The following MADCAM1 variants were observed in gnomAD, a reference collection of about 807,000 sequenced individuals.
The protein encoded by MADCAM1 is mucosal vascular addressin cell adhesion molecule 1, also known as mucosal addressin cell adhesion molecule 1.
A neutral mutation model predicts 26.1 loss-of-function variants in MADCAM1; 19 were observed. That is an observed-to-expected ratio of 0.73 (90% CI 0.51 to 1.07). The LOEUF (loss-of-function observed/expected upper bound fraction) is 1.07. Among genes scored for constraint, MADCAM1 ranks in the 50% least tolerant of loss-of-function variants. The pLI, the probability that MADCAM1 is intolerant of heterozygous loss-of-function variation, is 0.00. For synonymous variants in MADCAM1, 268 were observed against 260.9 expected, an observed-to-expected ratio of 1.03 and a Z score of -0.26; for missense variants, 514 against 542.1, an observed-to-expected ratio of 0.95 and a Z score of 0.51.
At position 497,991 on chromosome 19, in the gene MADCAM1, C is replaced by G; in HGVS notation, c.211C>G (p.Gln71Glu). The part of the protein sequence containing the change: ...RGLDTSLGAV[Q>E]SDTGRSVLTV... ...CCTGGACACCAGCCTGGGCGCGGTGCAGTCGGACACGGGCCGCAGCGTCCT... is the reference window on the plus strand; with the variant it reads ...CCTGGACACCAGCCTGGGCGCGGTGGAGTCGGACACGGGCCGCAGCGTCCT... Residue 71 changes from glutamine to glutamate, a missense_variant, in exon 2 of 5, where the codon CAG (glutamine) becomes GAG (glutamate). Transcript: ENST00000215637. 6.7e-7 allele frequency: 1 copy of G among 1,501,222 alleles called. No individual in the cohort carries two copies. The highest frequency in any genetic ancestry group is 1.3e-5 in the South Asian group (1 of 79,840). The allele number at this position is 1,501,222 out of a possible 1,614,324, so 93.0% of individuals were successfully genotyped here. A position where few individuals can be genotyped will look rare whatever the true frequency, so the allele number is the denominator to read the frequency against.
intron 3 of MADCAM1, 58 bp from the exon 4 acceptor site, chr19:501,611 C>G: frequency 6.5e-7 from 1 of 1,528,014 alleles, no homozygotes; most frequent in Non-Finnish European, 8.8e-7. Context: ...GAGATTGAGG[C>G]AGGAGAGGCA....
chr19:504,414 C>T (rs1978511247), intron 4 of MADCAM1, among the ~76,000 whole-genome samples: 1 of 151,948 alleles, frequency 6.6e-6, no homozygotes, highest in African/African-American at 2.4e-5. Flanking sequence ...CAGGCGCCTG[C>T]CACCATGTCC....
Position 498,696 on chromosome 19 carries a change from G to C in MADCAM1, c.538G>C (p.Asp180His). Residue 180 changes from aspartate (D) to histidine (H), a missense_variant, in exon 3 of 5, where the codon GAC becomes CAC. Coordinates refer to ENST00000215637, the MANE Select transcript of MADCAM1 (RefSeq NM_130760.3). ...EEEEEPQGDE[D>H]VLFRVTERWR... ...GGAGGAGGAGCCCCAGGGGGACGAG[G>C]ACGTGCTGTTCAGGGTGACAGAGCG... The C allele has an allele frequency of 6.9e-7, 1 of 1,448,766 alleles. No homozygotes were observed. The highest frequency in any genetic ancestry group is 2.6e-5 in the East Asian group (1 of 38,974). 89.7% of individuals were successfully genotyped at this position (1,448,766 alleles called of 1,614,324 possible). A position where few individuals can be genotyped will look rare whatever the true frequency, so the allele number is the denominator to read the frequency against.
chr19:497,190 A>G (rs1976593707), intron 1 of MADCAM1, among the ~76,000 whole-genome samples: 1 of 30,940 alleles, frequency 3.2e-5, no homozygotes, highest in African/African-American at 1.6e-4. Context: ...GGGGCGCAGG[A>G]GAGAGCAGGG....
At chr19:498,470 C>T in intron 2 of MADCAM1, 26 bp from the exon 3 acceptor site, 5 of 1,449,198 alleles carry the variant, frequency 3.5e-6, no homozygotes, top group Middle Eastern at 1.8e-4. Context: ...CTGGGCTCAG[C>T]CCTCACCCCC....
chr19:497,998 A>G lies in MADCAM1; in HGVS notation c.218A>G (p.Asp73Gly). Reference sequence around the variant, plus strand: ...ACCAGCCTGGGCGCGGTGCAGTCGGACACGGGCCGCAGCGTCCTCACCGTG... The same window carrying G: ...ACCAGCCTGGGCGCGGTGCAGTCGGGCACGGGCCGCAGCGTCCTCACCGTG... ...LDTSLGAVQS[D>G]TGRSVLTVRN... The change falls in exon 2 of 5, where the codon GAC becomes GGC. Residue 73 changes from aspartate (D) to glycine (G), a missense_variant. By Grantham distance (94) the Asp-to-Gly change is moderately conservative. Around this residue, in one of 3 missense-constraint regions of MADCAM1, gnomAD observed 317 missense variants for 313.6 expected, o/e 1.01. Coordinates refer to ENST00000215637, the MANE Select transcript of MADCAM1 (RefSeq NM_130760.3). 1 of 1,503,432 alleles carries G rather than the reference A, an allele frequency of 6.7e-7. No individual in the cohort carries two copies. 93.1% of individuals were successfully genotyped at this position (1,503,432 alleles called of 1,614,324 possible).
chr19:496,805 G>T (rs1266520502), intron 1 of MADCAM1, among the ~76,000 whole-genome samples: 1 of 3,388 alleles, frequency 3.0e-4, no homozygotes, highest in Non-Finnish European at 5.8e-4. Context: ...GAGGAGGGGC[G>T]CAGGAGAGAG....
At chr19:502,113 C>G (rs2042501088) in intron 4 of MADCAM1, among the ~76,000 whole-genome samples, 184 bp downstream of exon 4, 1 of 152,154 alleles carries the variant, frequency 6.6e-6, no homozygotes. Flanking sequence ...CCCCGTCTTT[C>G]CAGCCTCGGT....
At chr19:503,397 C>G (rs371180131) in intron 4 of MADCAM1, among the ~76,000 whole-genome samples, 4 of 150,474 alleles carry the variant, frequency 2.7e-5, no homozygotes, top group Non-Finnish European at 4.4e-5. Flanking sequence ...CTGGCTAACA[C>G]GGTGAAACCC....
chr19:501,170 C>T (rs1031321470), intron 3 of MADCAM1, among the ~76,000 whole-genome samples: 3 of 151,370 alleles, frequency 2.0e-5, no homozygotes, highest in African/African-American at 7.3e-5. Flanking sequence ...GCCTGCACGA[C>T]AGAGTGAGAC....
Position 501,700 on chromosome 19 carries a change from C to A in MADCAM1, c.699C>A (p.Pro233=), listed in dbSNP as rs777127573. The part of the protein sequence containing the change: ...VLHSPTSPEP[P]DTTSPESPDT... ...ACAGCCCGACCTCCCCGGAGCCTCCCGACACCACCTCCCCGGAGTCTCCCG... is the reference window on the plus strand; with the variant it reads ...ACAGCCCGACCTCCCCGGAGCCTCCAGACACCACCTCCCCGGAGTCTCCCG... The change falls in exon 4 of 5, where the codon CCC becomes CCA. Residue 233 remains proline, a synonymous_variant. Transcript: ENST00000215637. 6.6e-7 allele frequency: 1 copy of A among 1,521,360 alleles called. No individual in the cohort carries two copies. Among genetic ancestry groups the A allele is most frequent in the Non-Finnish European group, 8.8e-7 (1 of 1,136,098 alleles). The allele number at this position is 1,521,360 out of a possible 1,614,324, so 94.2% of individuals were successfully genotyped here.
In MADCAM1 at chr19:503,326, A is replaced by C. The variant is rs181259154; in HGVS notation, c.928+1397A>C. Among the ~76,000 whole-genome samples the C allele has an allele frequency of 3.5e-3, 518 of 149,072 alleles. 2 individuals are homozygous for C. Among genetic ancestry groups the C allele is most frequent in the Non-Finnish European group, 5.8e-3 (395 of 67,676 alleles). ...GCCGGGCACGGTGGCTTATGCCTGT[A>C]ATCCCTGCACTTTGGGAGGCCAAGG... On this transcript the variant is annotated intron_variant, in intron 4 of 4. Transcript: ENST00000215637.
chr19:503,485 G>A (rs1600392031), intron 4 of MADCAM1, among the ~76,000 whole-genome samples: 2 of 149,788 alleles, frequency 1.3e-5, no homozygotes, highest in Non-Finnish European at 3.0e-5. Context: ...GGAGGCTGAG[G>A]CAGGAGAATG....
chr19:498,566 C>A lies in MADCAM1; in HGVS notation c.408C>A (p.Ala136=). 6.7e-7 allele frequency: 1 copy of A among 1,482,592 alleles called. No individual in the cohort carries two copies. 91.8% of individuals were successfully genotyped at this position (1,482,592 alleles called of 1,614,324 possible). Reference sequence around the variant, plus strand: ...GTGACCCGGAGGTGGCCTGTACGGCCCACAAAGTCACGCCCGTGGACCCCA... The same window carrying A: ...GTGACCCGGAGGTGGCCTGTACGGCACACAAAGTCACGCCCGTGGACCCCA... The part of the protein sequence containing the change: ...VPGDPEVACT[A]HKVTPVDPNA... Residue 136 remains alanine, a synonymous_variant, in exon 3 of 5, where the codon GCC becomes GCA. Coordinates refer to ENST00000215637, the MANE Select transcript of MADCAM1 (RefSeq NM_130760.3).
intron 4 of MADCAM1, among the ~76,000 whole-genome samples, chr19:504,056 A>G (rs979279378): frequency 9.1e-5 from 11 of 120,446 alleles, no homozygotes; most frequent in African/African-American, 1.6e-4. Flanking sequence ...TTCCATTTCG[A>G]AAAAAAAAAA....
In MADCAM1 at chr19:498,692, C is replaced by A. The variant is rs1429067269; in HGVS notation, c.534C>A (p.Asp178Glu). The change falls in exon 3 of 5, where the codon GAC (aspartate) becomes GAA (glutamate). Residue 178 changes from aspartate (D) to glutamate (E), a missense_variant. Transcript: ENST00000215637. ...VQEEEEEPQG[D>E]EDVLFRVTER... ...AGGAGGAGGAGGAGCCCCAGGGGGA[C>A]GAGGACGTGCTGTTCAGGGTGACAG... 6.9e-6 allele frequency: 10 copies of A among 1,446,092 alleles called. No homozygotes were observed. In the South Asian group the frequency reaches 1.5e-4, roughly 22 times the overall value. The allele number at this position is 1,446,092 out of a possible 1,614,324, so 89.6% of individuals were successfully genotyped here.
rs1232478476 is a variant in MADCAM1, at chr19:498,805, G to C, written c.647G>C (p.Ser216Thr). The change falls in exon 3 of 5, where the codon AGC becomes ACC. Residue 216 changes from serine to threonine, a missense_variant. Physicochemically the swap from Ser to Thr is moderately conservative, Grantham distance 58. This residue lies in a region of MADCAM1 where 317 missense variants were observed against 313.6 expected (regional missense o/e 1.01). Transcript: ENST00000215637. ...ATGAGGCTGCCTGGCTTGGAGCTCA[G>C]CCACCGCCAGGCCATCCCCGGTGAG... ...ATMRLPGLEL[S>T]HRQAIPVLHS... 7.9e-7 allele frequency: 1 copy of C among 1,264,856 alleles called. No individual in the cohort carries two copies. 78.4% of individuals were successfully genotyped at this position (1,264,856 alleles called of 1,614,324 possible). A position where few individuals can be genotyped will look rare whatever the true frequency, so the allele number is the denominator to read the frequency against.
At chr19:503,853 G>C (rs1221235417) in intron 4 of MADCAM1, among the ~76,000 whole-genome samples, 1 of 152,092 alleles carries the variant, frequency 6.6e-6, no homozygotes, top group Admixed American at 6.6e-5. Context: ...TTCGAGACCA[G>C]CCTGGCCAAC....
chr19:504,794 T>C lies in MADCAM1; in HGVS notation c.978T>C (p.Ser326=), dbSNP rs775180241. Residue 326 remains serine (S), a synonymous_variant, in exon 5 of 5, where the codon AGT becomes AGC. Transcript: ENST00000215637. ...DQLPAALWTS[S]AVLGLLLLAL... is the part of the protein sequence containing the mutation. Reference sequence around the variant, plus strand: ...TGCCCGCGGCTCTGTGGACCAGCAGTGCGGTGCTGGGACTGCTGCTCCTGG... The same window carrying C: ...TGCCCGCGGCTCTGTGGACCAGCAGCGCGGTGCTGGGACTGCTGCTCCTGG... The C allele has an allele frequency of 3.0e-5, 48 of 1,612,596 alleles. No individual in the cohort carries two copies. Among genetic ancestry groups the C allele is most frequent in the Non-Finnish European group, 3.8e-5 (45 of 1,179,730 alleles).
Sources: allele counts gnomAD v4.1 joint callset (sites outside exome capture counted in the v4.1 genomes callset), GRCh38; gene constraint gnomAD v4.1.1; regional missense constraint gnomAD v4.1.1; transcripts MANE v1.5; gene names NCBI Gene and HGNC (gene_info 2026-07-23, HGNC 2026-07-21).